Variants in KCNA6 observed in about 807,000 individuals in gnomAD.
The protein encoded by KCNA6 is potassium voltage-gated channel subfamily A member 6, also known as human brain potassium channel-2.
In KCNA6, 17 loss-of-function variants were observed where a neutral mutation model predicts 29.5. The observed-to-expected ratio is 0.58, with a 90% CI of 0.39 to 0.86. KCNA6 has a LOEUF of 0.86. Ranked by LOEUF, KCNA6 falls within the 40% of genes least tolerant of loss-of-function variation. KCNA6 has a pLI of 0.00. For missense variants in KCNA6, 450 were observed against 703.4 expected, an observed-to-expected ratio of 0.64 and a Z score of 4.07; for synonymous variants, 296 against 304.7, an observed-to-expected ratio of 0.97 and a Z score of 0.30.
At chr12:4,821,893 G>A in the KCNA6 span, among the ~76,000 whole-genome samples, 1 of 152,108 alleles carries the variant, frequency 6.6e-6, no homozygotes, top group Non-Finnish European at 1.5e-5. Context: ...CTGGAGTGCA[G>A]TGGCATGGTC....
chr12:4,850,753 G>A, the KCNA6 span: 24 of 447,528 alleles, frequency 5.4e-5, no homozygotes, highest in Non-Finnish European at 9.4e-5. The surrounding 1 kb of genome is among the most constrained non-coding windows in gnomAD (Gnocchi z 5.4). Flanking sequence ...ATGCTGGCAG[G>A]TGGTGCAAGC....
chr12:4,847,066 G>T, the KCNA6 span, among the ~76,000 whole-genome samples: 1 of 151,456 alleles, frequency 6.6e-6, no homozygotes, highest in East Asian at 1.9e-4. Context: ...TTACAGACGT[G>T]AGCCACCACG....
chr12:4,836,832 T>A, the KCNA6 span, among the ~76,000 whole-genome samples: 2 of 152,186 alleles, frequency 1.3e-5, no homozygotes, highest in African/African-American at 4.8e-5. Context: ...CAGGGAGACA[T>A]GCCCGGGTGG....
At chr12:4,850,833 C>T in the KCNA6 span, 2 of 453,968 alleles carry the variant, frequency 4.4e-6, no homozygotes, top group East Asian at 7.0e-5. This position sits in a 1 kb window ranked among gnomAD's most constrained non-coding sequence, Gnocchi z 5.4. Context: ...AGAACCCTGC[C>T]TGGCACCGCT....
chr12:4,818,287 G>A (rs914205092), downstream of KCNA6, among the ~76,000 whole-genome samples: 3 of 152,214 alleles, frequency 2.0e-5, no homozygotes, highest in South Asian at 2.1e-4. Context: ...TGTCAAACAC[G>A]TTCAGTGCTT....
At chr12:4,821,708 C>T in the KCNA6 span, among the ~76,000 whole-genome samples, 1 of 152,166 alleles carries the variant, frequency 6.6e-6, no homozygotes, top group Non-Finnish European at 1.5e-5. Flanking sequence ...GCTTGTTGAT[C>T]CTGCATGTTT....
the KCNA6 span, among the ~76,000 whole-genome samples, chr12:4,823,799 G>C: frequency 6.6e-6 from 1 of 152,052 alleles, no homozygotes. Flanking sequence ...ATAAAATGGG[G>C]AATTCCAAGA....
At chr12:4,827,463 G>A in the KCNA6 span, among the ~76,000 whole-genome samples, 1 of 152,202 alleles carries the variant, frequency 6.6e-6, no homozygotes, top group Non-Finnish European at 1.5e-5. Flanking sequence ...AGGAGAAGCA[G>A]GGGAGTGCAG....
the KCNA6 span, among the ~76,000 whole-genome samples, chr12:4,828,423 A>G: frequency 1.2e-4 from 19 of 152,226 alleles, no homozygotes; most frequent in African/African-American, 4.3e-4. Context: ...CTTCTAATGA[A>G]CGGTGCTACA....
At chr12:4,824,792 T>A in the KCNA6 span, among the ~76,000 whole-genome samples, 1 of 152,234 alleles carries the variant, frequency 6.6e-6, no homozygotes, top group Admixed American at 6.5e-5. Flanking sequence ...GCAATTATAA[T>A]ACCAATCTGT....
the KCNA6 span, among the ~76,000 whole-genome samples, chr12:4,834,883 C>T: frequency 6.6e-6 from 1 of 152,146 alleles, no homozygotes; most frequent in Non-Finnish European, 1.5e-5. Context: ...CAGCTGATTT[C>T]ATGGAGTGAG....
chr12:4,810,740 A>G lies in KCNA6; in HGVS notation c.699A>G (p.Thr233=). The G allele has an allele frequency of 6.2e-7, 1 of 1,610,458 alleles. No homozygotes were observed. The highest frequency in any genetic ancestry group is 8.5e-7 in the Non-Finnish European group (1 of 1,178,164). ...AGGAGGATGAAGACGATTCCTACAC[A>G]TTTCATCATGGCATCACCCCTGGGG... is the stretch of plus-strand genomic sequence containing the variant. Residue 233 remains threonine, a synonymous_variant, in exon 1 of 1, where the codon ACA becomes ACG. Transcript: ENST00000280684. This position sits in a 1 kb window ranked among gnomAD's most constrained non-coding sequence, Gnocchi z 7.5.
chr12:4,826,225 GTTTGTTTGTTTTGT>G, the KCNA6 span, among the ~76,000 whole-genome samples: 1 of 151,980 alleles, frequency 6.6e-6, no homozygotes, highest in Non-Finnish European at 1.5e-5. Flanking sequence ...GGTGTTTTTT[GTTTGTTTGTTTTGT>G]TTTGTTTTGT....
At chr12:4,845,743 G>A in the KCNA6 span, among the ~76,000 whole-genome samples, 2 of 152,054 alleles carry the variant, frequency 1.3e-5, no homozygotes, top group East Asian at 1.9e-4. Flanking sequence ...TTCATGTGTC[G>A]TTTCTTTTCT....
exon 1 of KCNA6, chr12:4,809,926 G>C: frequency 7.9e-7 from 1 of 1,261,624 alleles, no homozygotes; most frequent in East Asian, 2.5e-5. Flanking sequence ...GAACCGGGAG[G>C]AGCGCGGGCC....
the KCNA6 span, among the ~76,000 whole-genome samples, chr12:4,845,252 C>G: frequency 6.6e-6 from 1 of 152,202 alleles, no homozygotes; most frequent in South Asian, 2.1e-4. Flanking sequence ...CAGTTTTGAG[C>G]TTTCATGCCT....
chr12:4,833,996 A>G, the KCNA6 span, among the ~76,000 whole-genome samples: 1 of 149,366 alleles, frequency 6.7e-6, no homozygotes, highest in African/African-American at 2.5e-5. Flanking sequence ...TGGCGTGATC[A>G]TGACTCTCTG....
the KCNA6 span, among the ~76,000 whole-genome samples, chr12:4,849,146 A>G: frequency 6.6e-6 from 1 of 152,116 alleles, no homozygotes; most frequent in East Asian, 1.9e-4. Flanking sequence ...AAAATTAATA[A>G]AATAAAATAA....
chr12:4,834,285 G>C, the KCNA6 span, among the ~76,000 whole-genome samples: 1 of 152,102 alleles, frequency 6.6e-6, no homozygotes, highest in African/African-American at 2.4e-5. Context: ...CAAAATTGGG[G>C]TTCTGAGAGC....
Sources: gnomAD v4.1 joint callset for allele counts (sites outside exome capture counted in the v4.1 genomes callset) on GRCh38, gnomAD v4.1.1 for gene constraint, Gnocchi (gnomAD v3.1) non-coding constraint, MANE v1.5 for transcripts, NCBI Gene and HGNC (gene_info 2026-07-23, HGNC 2026-07-21) for gene names.